Variants in HSPA12A observed in about 807,000 individuals in gnomAD.
The protein encoded by HSPA12A is heat shock 70 kDa protein 12A.
HSPA12A carries 28 observed loss-of-function variants against 69.2 expected under a neutral mutation model. The observed-to-expected ratio is 0.40, with a 90% confidence interval of 0.30 to 0.55. The LOEUF is 0.55. HSPA12A is among the 20% of genes least tolerant of loss of function. HSPA12A has a pLI of 0.38. For synonymous variants in HSPA12A, 345 were observed against 370.5 expected (o/e 0.93, Z 0.79); for missense variants, 686 against 900.7 (o/e 0.76, Z 3.05).
At chr10:116,715,952 T>C (rs1850589314) in intron 1 of HSPA12A, among the ~76,000 whole-genome samples, 1 of 152,168 alleles carries the variant, frequency 6.6e-6, no homozygotes, top group South Asian at 2.1e-4. Flanking sequence ...GTAGACCAAA[T>C]AGCCCTTAGA....
At chr10:116,720,461 G>C (rs1430114921) in intron 1 of HSPA12A, among the ~76,000 whole-genome samples, 1 of 152,238 alleles carries the variant, frequency 6.6e-6, no homozygotes. Flanking sequence ...GCCCTAGTCA[G>C]ACAGCTGCAG....
At chr10:116,792,180 T>G (rs1228038280) in intron 2 of HSPA12A, among the ~76,000 whole-genome samples, 1 of 146,634 alleles carries the variant, frequency 6.8e-6, no homozygotes, top group Non-Finnish European at 1.5e-5. Flanking sequence ...GCATGTACGT[T>G]GATCACGTAA....
intron 2 of HSPA12A, among the ~76,000 whole-genome samples, chr10:116,783,481 A>T (rs1338140481): frequency 3.9e-5 from 6 of 152,168 alleles, no homozygotes; most frequent in African/African-American, 1.4e-4. Context: ...ACTTGGCTGG[A>T]GCACAGGCTG....
intron 5 of HSPA12A, among the ~76,000 whole-genome samples, chr10:116,694,886 G>A (rs1227900424): frequency 5.3e-5 from 8 of 152,096 alleles, no homozygotes; most frequent in African/African-American, 1.9e-4. Context: ...TTCCAAGCAG[G>A]CTTCACAACG....
intron 2 of HSPA12A, among the ~76,000 whole-genome samples, chr10:116,761,083 G>A (rs1403007303): frequency 6.6e-6 from 1 of 152,172 alleles, no homozygotes; most frequent in African/African-American, 2.4e-5. Context: ...GGGTATGGTG[G>A]CTCATGCCTG....
intron 2 of HSPA12A, chr10:116,828,633 G>A (rs1200359996): frequency 6.6e-6 from 1 of 152,184 alleles, no homozygotes. Flanking sequence ...AAAAATACAG[G>A]ACCCCTCGTT....
chr10:116,740,575 G>A (rs1851455010), intron 1 of HSPA12A, among the ~76,000 whole-genome samples: 1 of 151,964 alleles, frequency 6.6e-6, no homozygotes, highest in Non-Finnish European at 1.5e-5. Flanking sequence ...GAAGAGCGGT[G>A]GCAGGTGGCT....
intron 2 of HSPA12A, among the ~76,000 whole-genome samples, chr10:116,805,836 T>C (rs970585020): frequency 6.6e-6 from 1 of 152,206 alleles, no homozygotes; most frequent in Admixed American, 6.5e-5. Context: ...AAAACACAAT[T>C]AGAAAAGGTG....
chr10:116,765,333 A>T (rs1300487377), intron 2 of HSPA12A, among the ~76,000 whole-genome samples: 3 of 152,208 alleles, frequency 2.0e-5, no homozygotes, highest in African/African-American at 7.2e-5. Flanking sequence ...AAAAAAATTT[A>T]AATTAAATAA....
At chr10:116,798,946 C>T (rs1564823447) in intron 2 of HSPA12A, among the ~76,000 whole-genome samples, 1 of 152,042 alleles carries the variant, frequency 6.6e-6, no homozygotes, top group Admixed American at 6.6e-5. Context: ...CCAGACCCAT[C>T]CACAGACATC....
At chr10:116,730,303 C>A (rs1851109971) in intron 1 of HSPA12A, among the ~76,000 whole-genome samples, 1 of 152,168 alleles carries the variant, frequency 6.6e-6, no homozygotes, top group Admixed American at 6.5e-5. Flanking sequence ...TGCTGTGACC[C>A]ATACTTTTGA....
intron 2 of HSPA12A, 35 bp downstream of exon 2, chr10:116,707,153 GCACACACACACA>G (rs59728190): frequency 3.3e-5 from 19 of 583,404 alleles, no homozygotes; most frequent in Middle Eastern, 5.9e-4. Context: ...ACCCATGCGC[GCACACACACACA>G]CACACACACA....
chr10:116,730,792 G>A (rs1442788612), intron 1 of HSPA12A, among the ~76,000 whole-genome samples: 2 of 152,230 alleles, frequency 1.3e-5, no homozygotes, highest in Admixed American at 6.5e-5. Flanking sequence ...AAAGCATCTC[G>A]CCATAGCTGG....
chr10:116,791,775 C>T (rs1844705964), intron 2 of HSPA12A, among the ~76,000 whole-genome samples: 1 of 152,112 alleles, frequency 6.6e-6, no homozygotes, highest in African/African-American at 2.4e-5. Flanking sequence ...CCCCTGCCAG[C>T]ACCCCCGAGT....
chr10:116,732,127 TCGA>T (rs1402981881), intron 1 of HSPA12A, among the ~76,000 whole-genome samples: 2 of 151,850 alleles, frequency 1.3e-5, no homozygotes, highest in Admixed American at 1.3e-4. Flanking sequence ...GGTCAGGAGT[TCGA>T]GACCAGCCTG....
At chr10:116,785,882 C>G (rs976408324) in intron 2 of HSPA12A, among the ~76,000 whole-genome samples, 3 of 152,156 alleles carry the variant, frequency 2.0e-5, no homozygotes, top group Non-Finnish European at 4.4e-5. Context: ...ATTTCCCCCC[C>G]TCCCCTCACC....
intron 1 of HSPA12A, among the ~76,000 whole-genome samples, chr10:116,733,110 T>C (rs782739773): frequency 2.2e-4 from 34 of 152,300 alleles, no homozygotes; most frequent in Non-Finnish European, 4.3e-4. Context: ...CCAGCAGCCA[T>C]GTGGACTGAC....
chr10:116,799,960 G>C (rs1195387048), intron 2 of HSPA12A, among the ~76,000 whole-genome samples: 1 of 152,204 alleles, frequency 6.6e-6, no homozygotes, highest in Non-Finnish European at 1.5e-5. Flanking sequence ...TGAAAAAGTG[G>C]GTGGGTGAAG....
Position 116,671,931 on chromosome 10 carries a change from TG to T in HSPA12A, c.*2849del, listed in dbSNP as rs1419289753. ...GGGGGTAGGGAAGGAGGGATGGATT[TG>T]GGGGTTTCATTTAAGGACTCTGACA... On this transcript the variant is annotated 3_prime_UTR_variant, in exon 12 of 12. Transcript: ENST00000369209. 1 of 152,440 alleles carries T rather than the reference TG, an allele frequency of 6.6e-6. No individual in the cohort carries two copies. The highest frequency in any genetic ancestry group is 1.5e-5 in the Non-Finnish European group (1 of 68,022). 9.4% of individuals were successfully genotyped at this position (152,440 alleles called of 1,614,324 possible).
Sources: allele counts gnomAD v4.1 joint callset (sites outside exome capture counted in the v4.1 genomes callset), GRCh38; gene constraint gnomAD v4.1.1; transcripts MANE v1.5; gene names NCBI Gene and HGNC (gene_info 2026-07-23, HGNC 2026-07-21).